TRHDE: variants seen among roughly 807,000 people sequenced by gnomAD.
The protein encoded by TRHDE is thyrotropin-releasing hormone-degrading ectoenzyme.
A neutral mutation model predicts 125.7 loss-of-function variants in TRHDE; 72 were observed. The ratio of observed to expected loss-of-function variants is 0.57; its 90% CI spans 0.47 to 0.70. The LOEUF is 0.70. Ranked by LOEUF, TRHDE falls within the 30% of genes least tolerant of loss-of-function variation. TRHDE has a pLI of 0.00. For synonymous variants in TRHDE, 509 were observed against 509.1 expected (o/e 1.00, Z 0.00); for missense variants, 1,110 against 1,327.1 (o/e 0.84, Z 2.54).
At position 72,592,785 on chromosome 12, in the gene TRHDE, A is replaced by G. The variant is rs144305734; in HGVS notation, c.2321+17243A>G. Among the ~76,000 whole-genome samples the G allele has an allele frequency of 9.0e-4, 135 of 150,826 alleles. No individual in the cohort carries two copies. The East Asian group carries it at 0.014, about 16-fold the overall frequency. On this transcript the variant is annotated intron_variant, in intron 12 of 18. Transcript: ENST00000261180. ...AAGTGCAGTGGTGCGATCTCGGCTCACTGCAACCTCCACCTCCCGGGTTCA... is the reference window on the plus strand; with the variant it reads ...AAGTGCAGTGGTGCGATCTCGGCTCGCTGCAACCTCCACCTCCCGGGTTCA...
At chr12:72,344,299 T>C (rs1460721429) in intron 2 of TRHDE, among the ~76,000 whole-genome samples, 1 of 152,158 alleles carries the variant, frequency 6.6e-6, no homozygotes, top group Admixed American at 6.6e-5. Flanking sequence ...TAAAATGAGA[T>C]AATCTGTATA....
chr12:72,109,193 CAGTAG>C (rs1421846362), intron 2 of TRHDE, among the ~76,000 whole-genome samples: 2 of 152,018 alleles, frequency 1.3e-5, no homozygotes, highest in Non-Finnish European at 2.9e-5. Context: ...AGAGATGCTG[CAGTAG>C]AGTAGAGTAA....
chr12:72,462,598 C>T (rs1876176777), intron 3 of TRHDE, among the ~76,000 whole-genome samples: 2 of 152,134 alleles, frequency 1.3e-5, no homozygotes, highest in Admixed American at 1.3e-4. Context: ...TAGCCATATG[C>T]TTGGTACTAT....
chr12:72,508,956 GAT>G (rs1436250014), intron 6 of TRHDE, among the ~76,000 whole-genome samples: 1 of 152,062 alleles, frequency 6.6e-6, no homozygotes, highest in African/African-American at 2.4e-5. Flanking sequence ...CTTCTGTTAT[GAT>G]TGTAAGTTTC....
intron 1 of TRHDE, among the ~76,000 whole-genome samples, chr12:72,283,197 T>A (rs777928291): frequency 6.6e-6 from 1 of 152,152 alleles, no homozygotes; most frequent in African/African-American, 2.4e-5. Context: ...AAATAAATGA[T>A]TAAAAGGAGC....
intron 2 of TRHDE, among the ~76,000 whole-genome samples, chr12:72,211,639 G>A (rs756860925): frequency 2.0e-5 from 3 of 152,022 alleles, no homozygotes; most frequent in Admixed American, 2.0e-4. Flanking sequence ...GACAGGCCCC[G>A]GGGACGCAAA....
At chr12:72,599,624 C>A (rs548467404) in intron 12 of TRHDE, among the ~76,000 whole-genome samples, 2 of 152,148 alleles carry the variant, frequency 1.3e-5, no homozygotes, top group East Asian at 3.9e-4. Flanking sequence ...AGATCTTTGT[C>A]AGATGCATAG....
chr12:72,636,346 T>C (rs1873750488), intron 15 of TRHDE, among the ~76,000 whole-genome samples: 1 of 151,502 alleles, frequency 6.6e-6, no homozygotes, highest in Non-Finnish European at 1.5e-5. Context: ...TTTTTGTACA[T>C]TGATTTTGTA....
chr12:72,194,042 A>G (rs1352428333), intron 2 of TRHDE, among the ~76,000 whole-genome samples: 1 of 152,134 alleles, frequency 6.6e-6, no homozygotes, highest in Non-Finnish European at 1.5e-5. Flanking sequence ...CCTGAATATC[A>G]TGTTAAAATA....
chr12:72,091,026 T>G (rs1322357186), intron 1 of TRHDE, among the ~76,000 whole-genome samples: 2 of 152,068 alleles, frequency 1.3e-5, no homozygotes, highest in Non-Finnish European at 2.9e-5. Flanking sequence ...TGCACCACCA[T>G]GCCTGGTTAA....
At chr12:72,618,848 C>T (rs1377468125) in intron 12 of TRHDE, 43 bp from the exon 13 acceptor site, 9 of 1,404,920 alleles carry the variant, frequency 6.4e-6, no homozygotes, top group South Asian at 1.7e-5. Context: ...TAAAAATCTT[C>T]GTTTGTGCAT....
intron 10 of TRHDE, among the ~76,000 whole-genome samples, chr12:72,570,134 A>G (rs2136020803): frequency 6.6e-6 from 1 of 152,348 alleles, no homozygotes; most frequent in Non-Finnish European, 1.5e-5. Flanking sequence ...CTGATCAAAC[A>G]TGGGGATTAG....
intron 2 of TRHDE, chr12:72,147,933 A>G (rs927561282): frequency 2.6e-5 from 4 of 152,258 alleles, no homozygotes; most frequent in Admixed American, 2.6e-4. Flanking sequence ...ACAGCTCTCT[A>G]ATGATTACTA....
chr12:72,195,883 C>T (rs1475899255), intron 2 of TRHDE, among the ~76,000 whole-genome samples: 2 of 152,050 alleles, frequency 1.3e-5, no homozygotes, highest in Non-Finnish European at 2.9e-5. Flanking sequence ...TTTAATCAAT[C>T]TTGAGTTAAT....
chr12:72,482,352 T>G (rs1295823427), intron 5 of TRHDE, among the ~76,000 whole-genome samples: 1 of 151,990 alleles, frequency 6.6e-6, no homozygotes, highest in East Asian at 1.9e-4. Flanking sequence ...TCAATCAGGT[T>G]GTTCTAATTC....
intron 7 of TRHDE, chr12:72,560,658 C>CA (rs1870133984): frequency 1.3e-5 from 2 of 151,484 alleles, no homozygotes; most frequent in Admixed American, 6.6e-5. Flanking sequence ...CCTGTTGCTA[C>CA]AAAAAATTAA....
At chr12:72,121,748 G>T (rs1379424506) in intron 2 of TRHDE, among the ~76,000 whole-genome samples, 3 of 142,924 alleles carry the variant, frequency 2.1e-5, no homozygotes, top group African/African-American at 2.6e-5. Flanking sequence ...TTTTGATGTG[G>T]ATAGTGGTTC....
At chr12:72,637,994 G>A (rs1204841478) in intron 15 of TRHDE, among the ~76,000 whole-genome samples, 1 of 151,870 alleles carries the variant, frequency 6.6e-6, no homozygotes, top group Admixed American at 6.6e-5. Context: ...ATTTGGGGTG[G>A]AGAGTTCTGT....
In TRHDE at chr12:72,473,167, C is replaced by G; in HGVS notation, c.1571C>G (p.Pro524Arg). The stretch of plus-strand genomic sequence containing the variant: ...TTTGTTGGTACAGACTACCTCTATC[C>G]TGGCTGGAACATGGTAAGTGCACTT... ...FEFVGTDYLY[P>R]GWNMEKQRFL... The change falls in exon 5 of 19, where the codon CCT becomes CGT. Residue 524 changes from proline (P) to arginine (R), a missense_variant. By Grantham distance (103) the Pro-to-Arg change is moderately radical. Coordinates refer to ENST00000261180, the MANE Select transcript of TRHDE (RefSeq NM_013381.3). 2 of 1,613,444 alleles carry G rather than the reference C, an allele frequency of 1.2e-6. No homozygotes were observed. The highest frequency in any genetic ancestry group is 1.7e-6 in the Non-Finnish European group (2 of 1,179,488).
Sources: allele counts gnomAD v4.1 joint callset (sites outside exome capture counted in the v4.1 genomes callset), GRCh38; gene constraint gnomAD v4.1.1; transcripts MANE v1.5; gene names NCBI Gene and HGNC (gene_info 2026-07-23, HGNC 2026-07-21).